Variants in EVC2 observed in about 807,000 individuals in gnomAD.
EVC2 encodes the protein limbin.
In EVC2, 148 loss-of-function variants were observed where a neutral mutation model predicts 149.3. The observed-to-expected ratio is 0.99, with a 90% confidence interval of 0.87 to 1.14. EVC2 has a LOEUF of 1.14. Ranked by LOEUF, EVC2 falls within the 50% of genes most tolerant of loss-of-function variation. The probability of loss-of-function intolerance (pLI) is 0.00; values close to 1 mark genes in which losing one functional copy is unlikely to be tolerated. For missense variants in EVC2, 1,854 were observed against 1,627.3 expected (o/e 1.14, Z -2.40); for synonymous variants, 776 against 649.9 (o/e 1.19, Z -2.95).
chr4:5,595,598 C>A (rs1316685245), intron 16 of EVC2, among the ~76,000 whole-genome samples: 1 of 152,140 alleles, frequency 6.6e-6, no homozygotes, highest in Non-Finnish European at 1.5e-5. Flanking sequence ...CAACTGGTAC[C>A]AGCCACTGCA....
chr4:5,671,581 G>A (rs906464255), intron 7 of EVC2, among the ~76,000 whole-genome samples: 9 of 151,984 alleles, frequency 5.9e-5, no homozygotes, highest in South Asian at 4.2e-4. Flanking sequence ...GCACAATCTC[G>A]GCTCACTGCA....
At chr4:5,585,437 T>A (rs926713845) in intron 16 of EVC2, among the ~76,000 whole-genome samples, 1 of 152,236 alleles carries the variant, frequency 6.6e-6, no homozygotes, top group African/African-American at 2.4e-5. Flanking sequence ...CACTTCTCTA[T>A]GTTTGTTTTG....
chr4:5,663,134 G>T lies in EVC2; in HGVS notation c.1118C>A (p.Pro373His). Residue 373 changes from proline to histidine, a missense_variant, in exon 9 of 22, where the codon CCT (proline) becomes CAT (histidine). By Grantham distance (77) the Pro-to-His change is moderately conservative. Transcript: ENST00000344408. Reference sequence around the variant, plus strand: ...TTCTAAGGCTTGAAGCATGCTCCCAGGGTCCTCGGAAGACAGAATGTCTAT... The same window carrying T: ...TTCTAAGGCTTGAAGCATGCTCCCATGGTCCTCGGAAGACAGAATGTCTAT... ...QMIDILSSEDPGSMLQALEEL... is the reference protein window; with the variant it reads ...QMIDILSSEDHGSMLQALEEL... The T allele has an allele frequency of 6.2e-7, 1 of 1,614,156 alleles. No homozygotes were observed. The highest frequency in any genetic ancestry group is 8.5e-7 in the Non-Finnish European group (1 of 1,179,994).
upstream of EVC2, chr4:5,708,890 T>G: frequency 5.4e-6 from 1 of 185,292 alleles, no homozygotes; most frequent in Non-Finnish European, 1.1e-5. Context: ...GACACACGGA[T>G]GTGAATCCAG....
At chr4:5,672,628 T>G (rs1719722311) in intron 7 of EVC2, among the ~76,000 whole-genome samples, 1 of 151,956 alleles carries the variant, frequency 6.6e-6, no homozygotes, top group Non-Finnish European at 1.5e-5. Flanking sequence ...AGGCAATAGG[T>G]TAAAAATAGA....
At chr4:5,628,418 G>A (rs1340992414) in intron 12 of EVC2, 141 bp downstream of exon 12, 9 of 1,057,336 alleles carry the variant, frequency 8.5e-6, no homozygotes, top group Middle Eastern at 2.9e-4. Context: ...GCCCTCACTC[G>A]ATCTTGAACT....
chr4:5,596,148 T>G (rs972728680), intron 16 of EVC2, among the ~76,000 whole-genome samples: 6 of 152,050 alleles, frequency 3.9e-5, no homozygotes, highest in Non-Finnish European at 8.8e-5. Context: ...CTGTCAACAT[T>G]AGACATATCA....
At chr4:5,601,458 A>G (rs1288084194) in intron 16 of EVC2, among the ~76,000 whole-genome samples, 1 of 152,074 alleles carries the variant, frequency 6.6e-6, no homozygotes, top group East Asian at 1.9e-4. Context: ...TTAAAGGCTT[A>G]TAAGATAAAA....
At chr4:5,707,330 T>A (rs1169330105) in intron 1 of EVC2, among the ~76,000 whole-genome samples, 1 of 152,102 alleles carries the variant, frequency 6.6e-6, no homozygotes, top group Non-Finnish European at 1.5e-5. Context: ...CCTCTGCCAG[T>A]GTCGCAAGTG....
chr4:5,706,357 C>A (rs200203281), intron 1 of EVC2, among the ~76,000 whole-genome samples: 3 of 4,022 alleles, frequency 7.5e-4, no homozygotes, highest in African/African-American at 4.7e-3. Context: ...TAGATAGACA[C>A]ATAGATAGAT....
At chr4:5,599,570 G>A (rs1244918364) in intron 16 of EVC2, among the ~76,000 whole-genome samples, 1 of 152,122 alleles carries the variant, frequency 6.6e-6, no homozygotes, top group African/African-American at 2.4e-5. Flanking sequence ...GGGGACTGAT[G>A]TGGGGTGGGC....
chr4:5,706,143 C>G (rs1722116364), intron 1 of EVC2, among the ~76,000 whole-genome samples: 1 of 151,866 alleles, frequency 6.6e-6, no homozygotes, highest in Non-Finnish European at 1.5e-5. Flanking sequence ...TCCTTCAAGT[C>G]TTGACTGACC....
Position 5,625,640 on chromosome 4 carries a change from G to T in EVC2, c.2046+109C>A. The T allele has an allele frequency of 7.0e-7, 1 of 1,433,186 alleles. No homozygotes were observed. Among genetic ancestry groups the T allele is most frequent in the Non-Finnish European group, 9.7e-7 (1 of 1,033,474 alleles). The allele number at this position is 1,433,186 out of a possible 1,614,324, so 88.8% of individuals were successfully genotyped here. On this transcript the variant is annotated intron_variant, in intron 13 of 21. Coordinates refer to ENST00000344408, the MANE Select transcript of EVC2 (RefSeq NM_147127.5). This position sits in a 1 kb window ranked among gnomAD's most constrained non-coding sequence, Gnocchi z 4.0. ...GGCACATCATGGTGCCTGCCCAGCT[G>T]CCCTTCTGATCCTAGTTCACCAATG...
At chr4:5,674,920 G>A (rs756338703) in intron 7 of EVC2, among the ~76,000 whole-genome samples, 8 of 152,110 alleles carry the variant, frequency 5.3e-5, no homozygotes, top group Non-Finnish European at 8.8e-5. Flanking sequence ...ATGGTCAGTG[G>A]GCTTCGAATG....
chr4:5,684,992 T>C (rs1184935947), intron 6 of EVC2, among the ~76,000 whole-genome samples: 1 of 152,226 alleles, frequency 6.6e-6, no homozygotes, highest in Non-Finnish European at 1.5e-5. Context: ...AATACATTTC[T>C]GTTGTTTTTA....
rs1443316122 is a variant in EVC2 at position 5,633,646 on chromosome 4, G to A, written c.1471-1614C>T. Among the ~76,000 whole-genome samples, 1 of 152,234 alleles carries A rather than the reference G, an allele frequency of 6.6e-6. No individual in the cohort carries two copies. Among genetic ancestry groups the A allele is most frequent in the African/African-American group, 2.4e-5 (1 of 41,466 alleles). ...ACAGCCATCCCAAATGGCCAATAAAGGCCTGGCCTTGGGAAGCAGGCAGGT... is the reference window on the plus strand; with the variant it reads ...ACAGCCATCCCAAATGGCCAATAAAAGCCTGGCCTTGGGAAGCAGGCAGGT... On this transcript the variant is annotated intron_variant, in intron 10 of 21. Transcript: ENST00000344408. This position sits in a 1 kb window ranked among gnomAD's most constrained non-coding sequence, Gnocchi z 4.4.
At chr4:5,533,400 G>C in the EVC2 span, among the ~76,000 whole-genome samples, 2 of 152,216 alleles carry the variant, frequency 1.3e-5, no homozygotes, top group East Asian at 3.9e-4. Context: ...GGCTGGAGCA[G>C]AGCCAGTGGG....
rs1400894970 is a variant in EVC2 at position 5,636,693 on chromosome 4, G to A, written c.1470+3821C>T. On this transcript the variant is annotated intron_variant, in intron 10 of 21. Coordinates refer to ENST00000344408, the MANE Select transcript of EVC2 (RefSeq NM_147127.5). This position sits in a 1 kb window ranked among gnomAD's most constrained non-coding sequence, Gnocchi z 4.6. ...GGGTCCTGGAACCAATGCTTCCTGG[G>A]TATCAAGGGAGGGATGACTGTACTG... 6.6e-6 allele frequency among the ~76,000 whole-genome samples: 1 copy of A among 152,122 alleles called. No individual in the cohort carries two copies. The highest frequency in any genetic ancestry group is 2.4e-5 in the African/African-American group (1 of 41,422).
intron 9 of EVC2, among the ~76,000 whole-genome samples, chr4:5,650,630 TATATATATAGAG>T (rs1262897965): frequency 0.02 from 1,346 of 67,604 alleles, 5 homozygotes; most frequent in African/African-American, 0.03. Context: ...TATATATATA[TATATATATAGAG>T]AGAGAGAGAG....
Sources: gnomAD v4.1 joint callset for allele counts (sites outside exome capture counted in the v4.1 genomes callset) on GRCh38, gnomAD v4.1.1 for gene constraint, Gnocchi (gnomAD v3.1) non-coding constraint, MANE v1.5 for transcripts, NCBI Gene and HGNC (gene_info 2026-07-23, HGNC 2026-07-21) for gene names.